The following PTPRN2 variants were observed in gnomAD, a reference collection of about 807,000 sequenced individuals.
PTPRN2 encodes the protein receptor-type tyrosine-protein phosphatase N2.
A neutral mutation model predicts 118.8 loss-of-function variants in PTPRN2; 74 were observed. The ratio of observed to expected loss-of-function variants is 0.62; its 90% CI spans 0.52 to 0.76. The LOEUF is 0.76. PTPRN2 is among the 30% of genes least tolerant of loss of function. The pLI is 0.00. For synonymous variants in PTPRN2, 641 were observed against 608.0 expected (o/e 1.05, Z -0.80); for missense variants, 1,481 against 1,394.4 (o/e 1.06, Z -0.99).
chr7:157,659,032 A>C (rs542222112), intron 13 of PTPRN2, among the ~76,000 whole-genome samples: 1 of 151,096 alleles, frequency 6.6e-6, no homozygotes, highest in African/African-American at 2.4e-5. Context: ...CCTTGTGTCC[A>C]TTCTCCCTTC....
At chr7:157,918,135 C>G (rs536131888) in intron 11 of PTPRN2, among the ~76,000 whole-genome samples, 1 of 152,166 alleles carries the variant, frequency 6.6e-6, no homozygotes, top group African/African-American at 2.4e-5. Flanking sequence ...GACATTAGCA[C>G]GGATGCTGGT....
At chr7:157,840,106 CGTGACTGTGTGACT>C (rs1369060428) in intron 12 of PTPRN2, among the ~76,000 whole-genome samples, 20 of 142,370 alleles carry the variant, frequency 1.4e-4, no homozygotes, top group Admixed American at 1.4e-3. Flanking sequence ...TGTGTGACCG[CGTGACTGTGTGACT>C]GTGACTGTGT....
intron 2 of PTPRN2, among the ~76,000 whole-genome samples, chr7:158,367,250 C>G (rs1809610777): frequency 6.6e-6 from 1 of 152,184 alleles, no homozygotes; most frequent in African/African-American, 2.4e-5. Flanking sequence ...GGCACAGATG[C>G]CCCAGGTGGA....
Position 157,964,842 on chromosome 7 carries a change from C to A in PTPRN2, c.1724-66105G>T, listed in dbSNP as rs531015246. Among the ~76,000 whole-genome samples the A allele has an allele frequency of 3.1e-4, 47 of 152,230 alleles. No individual in the cohort carries two copies. The highest frequency in any genetic ancestry group is 5.9e-4 in the Non-Finnish European group (40 of 68,044). ...TGTTCTTTCGACGATCCTCCTCTTG[C>A]CCCAATTTCTCCACCGCACAGACTC... On this transcript the variant is annotated intron_variant, in intron 11 of 22. Transcript: ENST00000389418. The surrounding 1 kb of genome is among the most constrained non-coding windows in gnomAD (Gnocchi z 9.0).
intron 5 of PTPRN2, among the ~76,000 whole-genome samples, chr7:158,170,803 C>T (rs1013376174): frequency 1.3e-5 from 2 of 152,078 alleles, no homozygotes; most frequent in South Asian, 2.1e-4. Flanking sequence ...CTGGAGCTGC[C>T]TGGGTTTAAA....
chr7:158,436,733 C>T (rs1041815803), intron 2 of PTPRN2, among the ~76,000 whole-genome samples: 1 of 152,208 alleles, frequency 6.6e-6, no homozygotes, highest in Non-Finnish European at 1.5e-5. Context: ...ATGCGAGGTT[C>T]ATCACACTTC....
chr7:157,744,364 AGGAACTGGGGACC>A, intron 12 of PTPRN2, among the ~76,000 whole-genome samples: 1 of 152,280 alleles, frequency 6.6e-6, no homozygotes, highest in Admixed American at 6.5e-5. Context: ...CTAAGGTGAT[AGGAACTGGGGACC>A]CGACCTGGCG....
chr7:157,887,375 G>A (rs1259105037), intron 12 of PTPRN2, among the ~76,000 whole-genome samples: 3 of 151,740 alleles, frequency 2.0e-5, no homozygotes, highest in Non-Finnish European at 2.9e-5. Flanking sequence ...TAGAGTGACA[G>A]TGCAGGAAAT....
At chr7:158,269,380 T>G (rs551491756) in intron 3 of PTPRN2, among the ~76,000 whole-genome samples, 1 of 152,354 alleles carries the variant, frequency 6.6e-6, no homozygotes, top group East Asian at 1.9e-4. Flanking sequence ...ACACCTGGTT[T>G]CTGCTTTGAC....
At chr7:157,730,829 G>A (rs1799853978) in intron 12 of PTPRN2, among the ~76,000 whole-genome samples, 1 of 152,172 alleles carries the variant, frequency 6.6e-6, no homozygotes, top group Non-Finnish European at 1.5e-5. Flanking sequence ...GCAAGCCACA[G>A]GGGAGGGCTC....
rs1440146010 is a variant in PTPRN2 at position 157,780,282 on chromosome 7, T to A, written c.1789-97345A>T. 6.6e-6 allele frequency among the ~76,000 whole-genome samples: 1 copy of A among 152,084 alleles called. No homozygotes were observed. Among genetic ancestry groups the A allele is most frequent in the African/African-American group, 2.4e-5 (1 of 41,406 alleles). On this transcript the variant is annotated intron_variant, in intron 12 of 22. Transcript: ENST00000389418. This position sits in a 1 kb window ranked among gnomAD's most constrained non-coding sequence, Gnocchi z 4.5. Reference sequence around the variant, plus strand: ...TGCTCCTTACACACGGCCTTCCCACTCCCAGCTAACACCTGAAATAGGATG... The same window carrying A: ...TGCTCCTTACACACGGCCTTCCCACACCCAGCTAACACCTGAAATAGGATG...
intron 12 of PTPRN2, among the ~76,000 whole-genome samples, chr7:157,790,460 G>C (rs553773420): frequency 2.6e-3 from 399 of 152,166 alleles, no homozygotes; most frequent in African/African-American, 9.1e-3. Flanking sequence ...ATCGTGTTTT[G>C]CGTGAAGATC....
chr7:158,235,128 C>A (rs901205326), intron 3 of PTPRN2, among the ~76,000 whole-genome samples: 1 of 143,670 alleles, frequency 7.0e-6, no homozygotes, highest in Non-Finnish European at 1.5e-5. Context: ...GAGGAGCCCT[C>A]GGACACTGTG....
chr7:158,329,841 C>G (rs1011110792), intron 2 of PTPRN2, among the ~76,000 whole-genome samples: 1 of 152,160 alleles, frequency 6.6e-6, no homozygotes, highest in Non-Finnish European at 1.5e-5. Context: ...TACGGAGACT[C>G]ACTTTCACTT....
At chr7:158,326,798 C>T (rs1254312628) in intron 2 of PTPRN2, among the ~76,000 whole-genome samples, 1 of 145,620 alleles carries the variant, frequency 6.9e-6, no homozygotes, top group Non-Finnish European at 1.5e-5. Flanking sequence ...CACACACATG[C>T]ACATTCTCAC....
At chr7:158,287,506 G>T (rs1350671422) in intron 3 of PTPRN2, among the ~76,000 whole-genome samples, 1 of 151,818 alleles carries the variant, frequency 6.6e-6, no homozygotes, top group Admixed American at 6.6e-5. Context: ...CATAGGTTTT[G>T]GTATGCTTTG....
intron 12 of PTPRN2, among the ~76,000 whole-genome samples, chr7:157,699,198 C>T (rs931510865): frequency 3.3e-5 from 5 of 152,206 alleles, no homozygotes; most frequent in Non-Finnish European, 5.9e-5. Context: ...GTCCTGTTCA[C>T]ATATTCTTTA....
chr7:157,933,021 A>T (rs1377533061), intron 11 of PTPRN2, among the ~76,000 whole-genome samples: 1 of 147,428 alleles, frequency 6.8e-6, no homozygotes. Flanking sequence ...GGGGTGAGTC[A>T]TCCTGATTGA....
intron 2 of PTPRN2, among the ~76,000 whole-genome samples, chr7:158,326,735 C>T (rs1803578256): frequency 1.3e-5 from 2 of 148,176 alleles, no homozygotes; most frequent in South Asian, 4.2e-4. Flanking sequence ...TACATTCTCA[C>T]ACACATGCAC....
Sources: gnomAD v4.1 joint callset for allele counts (sites outside exome capture counted in the v4.1 genomes callset) on GRCh38, gnomAD v4.1.1 for gene constraint, Gnocchi (gnomAD v3.1) non-coding constraint, MANE v1.5 for transcripts, NCBI Gene and HGNC (gene_info 2026-07-23, HGNC 2026-07-21) for gene names.